The following SEC63 variants were observed in gnomAD, a reference collection of about 807,000 sequenced individuals.
SEC63 encodes SEC63 protein translocation regulator, also known as translocation protein SEC63 homolog.
A neutral mutation model predicts 116.2 loss-of-function variants in SEC63; 56 were observed. The ratio of observed to expected loss-of-function variants is 0.48; its 90% confidence interval spans 0.39 to 0.60. SEC63 has a LOEUF of 0.60. Ranked by LOEUF, SEC63 falls within the 20% of genes least tolerant of loss-of-function variation. The pLI is 0.00. For missense variants in SEC63, 668 were observed against 900.0 expected (o/e 0.74, Z 3.30); for synonymous variants, 273 against 294.6 (o/e 0.93, Z 0.75).
chr6:107,914,650 G>A (rs1356597145), intron 4 of SEC63, among the ~76,000 whole-genome samples: 25 of 152,112 alleles, frequency 1.6e-4, no homozygotes, highest in Non-Finnish European at 1.5e-5. Flanking sequence ...ATAAGGAATA[G>A]TGCTAAGATT....
chr6:107,923,758 G>T (rs1004911970), intron 3 of SEC63, among the ~76,000 whole-genome samples: 1 of 149,302 alleles, frequency 6.7e-6, no homozygotes. Context: ...GACCTCAAGC[G>T]ATCCTCCCAC....
At chr6:107,906,984 C>A (rs1385028601) in intron 8 of SEC63, among the ~76,000 whole-genome samples, 1 of 152,108 alleles carries the variant, frequency 6.6e-6, no homozygotes, top group Non-Finnish European at 1.5e-5. Flanking sequence ...TCAACCACCA[C>A]AAGTGAACAG....
intron 1 of SEC63, among the ~76,000 whole-genome samples, chr6:107,943,602 G>A (rs1665229082): frequency 6.6e-6 from 1 of 152,176 alleles, no homozygotes; most frequent in Admixed American, 6.6e-5. Flanking sequence ...TAAGGTAGGG[G>A]TAAGAAACAC....
intron 17 of SEC63, 144 bp downstream of exon 17, chr6:107,882,844 A>G: frequency 1.7e-6 from 1 of 577,178 alleles, no homozygotes; most frequent in Non-Finnish European, 3.0e-6. Context: ...ACGTTCTTCA[A>G]AGTAATAAAA....
chr6:107,905,256 A>G (rs1583744892), intron 10 of SEC63, among the ~76,000 whole-genome samples: 1 of 152,208 alleles, frequency 6.6e-6, no homozygotes, highest in African/African-American at 2.4e-5. Context: ...ATGCTTATGT[A>G]TCTGTACAGA....
At chr6:107,895,858 A>AT (rs1196320464) in intron 14 of SEC63, among the ~76,000 whole-genome samples, 2 of 55,838 alleles carry the variant, frequency 3.6e-5, no homozygotes, top group Non-Finnish European at 6.7e-5. Context: ...CCGCACCTCT[A>AT]TTAAAAAAAA....
chr6:107,906,838 T>C lies in SEC63; in HGVS notation c.734-61A>G. The C allele has an allele frequency of 4.8e-6, 6 of 1,246,290 alleles. No homozygotes were observed. The South Asian group carries it at 6.0e-5, about 12-fold the overall frequency. The allele number at this position is 1,246,290 out of a possible 1,614,324, so 77.2% of individuals were successfully genotyped here. A position where few individuals can be genotyped will look rare whatever the true frequency, so the allele number is the denominator to read the frequency against. On this transcript the variant is annotated intron_variant, in intron 8 of 20. Transcript: ENST00000369002. ...ATGCTCATTCATTAATTCCCCCTCC[T>C]GAGATACTTAATTCACTTGAAAGTG...
chr6:107,904,537 G>A (rs1787097327), intron 11 of SEC63, 92 bp downstream of exon 11: 1 of 949,558 alleles, frequency 1.1e-6, no homozygotes, highest in African/African-American at 1.6e-5. Flanking sequence ...GCCGACAGAA[G>A]TCTGAGTACC....
intron 1 of SEC63, among the ~76,000 whole-genome samples, chr6:107,931,388 G>A (rs945678940): frequency 2.6e-5 from 4 of 151,486 alleles, no homozygotes; most frequent in African/African-American, 9.7e-5. Flanking sequence ...TGAAAAACTT[G>A]CAGCTCAATT....
intron 1 of SEC63, among the ~76,000 whole-genome samples, chr6:107,952,615 G>A (rs1223736054): frequency 1.3e-5 from 2 of 151,436 alleles, no homozygotes; most frequent in African/African-American, 2.4e-5. Flanking sequence ...AAAATTAGCC[G>A]GGCGTAGTGG....
At chr6:107,933,050 T>A (rs1384364970) in intron 1 of SEC63, among the ~76,000 whole-genome samples, 5 of 152,032 alleles carry the variant, frequency 3.3e-5, no homozygotes, top group Non-Finnish European at 7.4e-5. Context: ...AGAAGGACCA[T>A]AATCACAGGG....
Position 107,871,686 on chromosome 6 carries a change from G to T in SEC63, c.*18C>A, listed in dbSNP as rs1350657855. ...ATTGCAAATATGTGCAAACACTGTG[G>T]TCCATTCAGAGTACTGCTTAGTCAT... is the stretch of plus-strand genomic sequence containing the variant. On this transcript the variant is annotated 3_prime_UTR_variant, in exon 21 of 21. Transcript: ENST00000369002. The T allele has an allele frequency of 6.2e-7, 1 of 1,611,210 alleles. No individual in the cohort carries two copies. The highest frequency in any genetic ancestry group is 8.5e-7 in the Non-Finnish European group (1 of 1,179,382).
At chr6:107,914,294 G>C (rs1408057281) in intron 4 of SEC63, among the ~76,000 whole-genome samples, 1 of 151,986 alleles carries the variant, frequency 6.6e-6, no homozygotes, top group Non-Finnish European at 1.5e-5. Flanking sequence ...TAATAAGGAA[G>C]ACATTCTTGG....
At chr6:107,897,005 G>A (rs894064644) in intron 14 of SEC63, among the ~76,000 whole-genome samples, 1 of 151,332 alleles carries the variant, frequency 6.6e-6, no homozygotes, top group Non-Finnish European at 1.5e-5. Context: ...AGAAGGAAGG[G>A]AGGGAAGGAG....
chr6:107,940,913 T>A (rs1440732298), intron 1 of SEC63, among the ~76,000 whole-genome samples: 1 of 152,132 alleles, frequency 6.6e-6, no homozygotes, highest in East Asian at 1.9e-4. Flanking sequence ...CCCTGTTAGC[T>A]CTGTCCTCCT....
intron 14 of SEC63, among the ~76,000 whole-genome samples, chr6:107,895,333 C>T (rs1173532690): frequency 2.0e-5 from 3 of 152,216 alleles, no homozygotes. Context: ...GCAGCTCTCT[C>T]ACCTAGAGTC....
chr6:107,909,188 T>A (rs1342144684), intron 7 of SEC63, 153 bp from the exon 8 acceptor site: 11 of 603,974 alleles, frequency 1.8e-5, no homozygotes, highest in Non-Finnish European at 3.0e-5. Context: ...GGCAACATAG[T>A]GAGACCCTGT....
intron 1 of SEC63, among the ~76,000 whole-genome samples, chr6:107,931,320 A>T (rs9386684): frequency 6.6e-6 from 1 of 151,920 alleles, no homozygotes; most frequent in African/African-American, 2.4e-5. Context: ...CCAGCCTGGG[A>T]AACAAGAATG....
chr6:107,954,381 GT>G (rs1404532785), intron 1 of SEC63, among the ~76,000 whole-genome samples: 3 of 140,600 alleles, frequency 2.1e-5, no homozygotes, highest in Non-Finnish European at 4.5e-5. Context: ...CTGTTCACTT[GT>G]TTATCTGCTG....
Sources: gnomAD v4.1 joint callset for allele counts (sites outside exome capture counted in the v4.1 genomes callset) on GRCh38, gnomAD v4.1.1 for gene constraint, MANE v1.5 for transcripts, NCBI Gene and HGNC (gene_info 2026-07-23, HGNC 2026-07-21) for gene names.